Variants in DOT1L observed in about 807,000 individuals in gnomAD.
The protein encoded by DOT1L is histone-lysine N-methyltransferase, H3 lysine-79 specific.
DOT1L carries 33 observed loss-of-function variants against 153.3 expected under a neutral mutation model. That is an observed-to-expected ratio of 0.22 (90% CI 0.16 to 0.29). The LOEUF is 0.29. Among genes scored for constraint, DOT1L ranks in the 10% least tolerant of loss-of-function variants. DOT1L has a pLI of 1.00. For synonymous variants in DOT1L, 1,135 were observed against 965.1 expected (o/e 1.18, Z -3.26); for missense variants, 1,847 against 2,119.9 (o/e 0.87, Z 2.53).
chr19:2,214,319 G>A (rs536237009), intron 18 of DOT1L, 152 bp from the exon 19 acceptor site: 3 of 1,317,644 alleles, frequency 2.3e-6, no homozygotes, highest in East Asian at 2.5e-5. Context: ...CGCGTGTTCC[G>A]CATCCTCAGC....
chr19:2,167,734 C>CTTTTT (rs66826356), intron 1 of DOT1L, among the ~76,000 whole-genome samples: 113 of 134,626 alleles, frequency 8.4e-4, no homozygotes, highest in African/African-American at 1.0e-3. Context: ...CTTTTCTTTT[C>CTTTTT]TTTTTTTTTT....
intron 2 of DOT1L, among the ~76,000 whole-genome samples, chr19:2,185,380 T>A (rs1046551702): frequency 6.6e-6 from 1 of 152,228 alleles, no homozygotes; most frequent in Non-Finnish European, 1.5e-5. Context: ...GTAAACATCG[T>A]AGCCTTCGTT....
chr19:2,164,342 C>G, intron 1 of DOT1L, 77 bp downstream of exon 1: 1 of 1,051,088 alleles, frequency 9.5e-7, no homozygotes, highest in Non-Finnish European at 1.2e-6. Context: ...CAAACCCCCC[C>G]AAGCCGCGCT....
intron 27 of DOT1L, chr19:2,229,193 T>TTC: frequency 1.0e-6 from 1 of 985,462 alleles, no homozygotes; most frequent in East Asian, 1.1e-4. Context: ...AATGTCCTGT[T>TTC]CACTCCTCCC....
At chr19:2,173,684 C>T (rs2021767382) in intron 1 of DOT1L, among the ~76,000 whole-genome samples, 1 of 152,210 alleles carries the variant, frequency 6.6e-6, no homozygotes, top group South Asian at 2.1e-4. Flanking sequence ...CTGCGGGCTG[C>T]CCGGAAGACC....
rs1207717462 is a variant in DOT1L at position 2,208,106 on chromosome 19, G to A, written c.963+426G>A. Among the ~76,000 whole-genome samples, 5 of 152,126 alleles carry A rather than the reference G, an allele frequency of 3.3e-5. No homozygotes were observed. Among genetic ancestry groups the A allele is most frequent in the Non-Finnish European group, 7.4e-5 (5 of 67,990 alleles). ...AGGGTCCATGGGTGGGGTCTGGGATGCTTCTTCCCTCCCTGTGTTCCCCAG... is the reference window on the plus strand; with the variant it reads ...AGGGTCCATGGGTGGGGTCTGGGATACTTCTTCCCTCCCTGTGTTCCCCAG... On this transcript the variant is annotated intron_variant, in intron 11 of 27. Transcript: ENST00000398665. The surrounding 1 kb of genome is among the most constrained non-coding windows in gnomAD (Gnocchi z 4.4).
chr19:2,183,630 CTT>C (rs34433988), intron 2 of DOT1L, among the ~76,000 whole-genome samples: 44 of 144,004 alleles, frequency 3.1e-4, no homozygotes, highest in Admixed American at 4.9e-4. Context: ...TGCTTCAGTG[CTT>C]TTTTTTTTTT....
chr19:2,180,465 G>A (rs547530567), intron 1 of DOT1L, among the ~76,000 whole-genome samples: 5 of 152,256 alleles, frequency 3.3e-5, no homozygotes, highest in African/African-American at 1.2e-4. Context: ...ATCCCAGGCC[G>A]CTGCCTGCTC....
intron 1 of DOT1L, among the ~76,000 whole-genome samples, chr19:2,165,684 G>A (rs1300662314): frequency 2.0e-5 from 3 of 152,214 alleles, no homozygotes; most frequent in African/African-American, 7.2e-5. Context: ...GAAGGCATAT[G>A]ACCATAAGAG....
At chr19:2,226,065 G>A in intron 26 of DOT1L, 118 bp from the exon 27 acceptor site, 1 of 1,160,792 alleles carries the variant, frequency 8.6e-7, no homozygotes. Flanking sequence ...CATCTTGAGT[G>A]TCTGTGACCA....
intron 2 of DOT1L, among the ~76,000 whole-genome samples, chr19:2,181,755 C>CGCCCAGCACCA (rs2022246671): frequency 6.7e-6 from 1 of 149,230 alleles, no homozygotes; most frequent in Non-Finnish European, 1.5e-5. Flanking sequence ...GCCCAGCCCC[C>CGCCCAGCACCA]GCCCAGCACC....
In DOT1L at chr19:2,208,052, T is replaced by C. The variant is rs1288563796; in HGVS notation, c.963+372T>C. ...ACGTCCCTGTTCCCAGCTTCCTCCA[T>C]GTGAGAGGGTCCTGAGCGGGGAGAC... On this transcript the variant is annotated intron_variant, in intron 11 of 27. Coordinates refer to ENST00000398665, the MANE Select transcript of DOT1L (RefSeq NM_032482.3). The surrounding 1 kb of genome is among the most constrained non-coding windows in gnomAD (Gnocchi z 4.4). Among the ~76,000 whole-genome samples the C allele has an allele frequency of 2.6e-5, 4 of 152,090 alleles. No homozygotes were observed. The highest frequency in any genetic ancestry group is 2.1e-4 in the South Asian group (1 of 4,830).
Position 2,229,822 on chromosome 19 carries a change from A to G in DOT1L, c.*30A>G. 1 of 1,613,048 alleles carries G rather than the reference A, an allele frequency of 6.2e-7. No homozygotes were observed. Among genetic ancestry groups the G allele is most frequent in the Non-Finnish European group, 8.5e-7 (1 of 1,179,910 alleles). ...TCTACCTCAACCGCGAGACCTATGC[A>G]AGGACGGTGTGGACCAACTCGCGCC... On this transcript the variant is annotated 3_prime_UTR_variant, in exon 28 of 28. Transcript: ENST00000398665.
At chr19:2,198,200 G>C (rs536750747) in intron 7 of DOT1L, among the ~76,000 whole-genome samples, 13 of 152,354 alleles carry the variant, frequency 8.5e-5, no homozygotes, top group African/African-American at 3.1e-4. Flanking sequence ...GCTTAGTGCT[G>C]CTCAGGACTT....
chr19:2,166,700 C>T (rs948044515), intron 1 of DOT1L, among the ~76,000 whole-genome samples: 4 of 152,222 alleles, frequency 2.6e-5, no homozygotes, highest in East Asian at 1.9e-4. Context: ...GGTGAGCCAC[C>T]GCACCTGGCC....
chr19:2,211,332 A>C, intron 15 of DOT1L, 120 bp downstream of exon 15: 1 of 900,808 alleles, frequency 1.1e-6, no homozygotes. Context: ...ACCCCACTGA[A>C]GTTTACCCAG....
chr19:2,225,435 C>A lies in DOT1L; in HGVS notation c.3644C>A (p.Pro1215Gln). The A allele has an allele frequency of 1.9e-6, 3 of 1,614,202 alleles. No individual in the cohort carries two copies. Among genetic ancestry groups the A allele is most frequent in the Non-Finnish European group, 2.5e-6 (3 of 1,180,024 alleles). The change falls in exon 26 of 28, where the codon CCG becomes CAG. Residue 1215 changes from proline (P) to glutamine (Q), a missense_variant. Transcript: ENST00000398665. ...ATISLESKSP[P>Q]KTLENGGGLA... Reference sequence around the variant, plus strand: ...ATCTCCTTAGAAAGCAAATCTCCCCCGAAAACCTTGGAAAATGGTGAGTAA... The same window carrying A: ...ATCTCCTTAGAAAGCAAATCTCCCCAGAAAACCTTGGAAAATGGTGAGTAA...
chr19:2,222,522 C>T lies in DOT1L; in HGVS notation c.3353C>T (p.Thr1118Ile). 6.4e-7 allele frequency: 1 copy of T among 1,568,640 alleles called. No homozygotes were observed. Among genetic ancestry groups the T allele is most frequent in the South Asian group, 1.2e-5 (1 of 86,910 alleles). ...RALPSVAGLF[T>I]QPSGSPLNLN... ...CTGCCGTCCGTCGCTGGCCTTTTCA[C>T]ACAGCCTTCGGGGTCTCCCCTCAAC... The change falls in exon 24 of 28, where the codon ACA becomes ATA. Residue 1118 changes from threonine to isoleucine, a missense_variant. Around this residue, in one of 8 missense-constraint regions of DOT1L, gnomAD observed 934 missense variants for 825.3 expected, o/e 1.13. Transcript: ENST00000398665. The surrounding 1 kb of genome is among the most constrained non-coding windows in gnomAD (Gnocchi z 6.5).
chr19:2,177,446 G>A (rs2022000675), intron 1 of DOT1L, among the ~76,000 whole-genome samples: 1 of 151,918 alleles, frequency 6.6e-6, no homozygotes, highest in South Asian at 2.1e-4. Context: ...ACAGGCACCC[G>A]CCACCACACC....
Sources: gnomAD v4.1 joint callset for allele counts (sites outside exome capture counted in the v4.1 genomes callset) on GRCh38, gnomAD v4.1.1 for gene constraint, gnomAD v4.1.1 regional missense constraint, Gnocchi (gnomAD v3.1) non-coding constraint, MANE v1.5 for transcripts, NCBI Gene and HGNC (gene_info 2026-07-23, HGNC 2026-07-21) for gene names.